Variants in GPATCH8 observed in about 807,000 individuals in gnomAD.
The protein encoded by GPATCH8 is G patch domain-containing protein 8.
GPATCH8 carries 18 observed loss-of-function variants against 118.3 expected under a neutral mutation model. That is an observed-to-expected ratio of 0.15 (90% CI 0.11 to 0.23). The LOEUF is 0.23. Ranked by LOEUF, GPATCH8 falls within the 10% of genes least tolerant of loss-of-function variation. The pLI, the probability that GPATCH8 is intolerant of heterozygous loss-of-function variation, is 1.00. For missense variants in GPATCH8, 1,631 were observed against 1,873.8 expected (o/e 0.87, Z 2.39); for synonymous variants, 659 against 684.7 (o/e 0.96, Z 0.59).
chr17:44,464,724 C>G (rs1276870857), intron 2 of GPATCH8, 180 bp from the exon 3 acceptor site: 2 of 605,526 alleles, frequency 3.3e-6, no homozygotes, highest in Non-Finnish European at 5.9e-6. Flanking sequence ...GAAAAGCTGG[C>G]TAGTATTTTA....
At chr17:44,435,899 G>A (rs2050494119) in intron 4 of GPATCH8, among the ~76,000 whole-genome samples, 1 of 150,608 alleles carries the variant, frequency 6.6e-6, no homozygotes, top group South Asian at 2.1e-4. Flanking sequence ...TCATGCGCCT[G>A]TAATCCCAGC....
At position 44,498,198 on chromosome 17, in the gene GPATCH8, T is replaced by C. The variant is rs1056537583; in HGVS notation, c.45+5128A>G. Among the ~76,000 whole-genome samples the C allele has an allele frequency of 4.1e-4, 63 of 152,196 alleles. 1 individual carries two copies. Among genetic ancestry groups the C allele is most frequent in the Non-Finnish European group, 1.2e-4 (8 of 68,032 alleles). ...TCTAATGAGAACTGTGTTACATGTA[T>C]AGAAGAAAGGGAAAGGTACAACAGG... On this transcript the variant is annotated intron_variant, in intron 1 of 7. Coordinates refer to ENST00000591680, the MANE Select transcript of GPATCH8 (RefSeq NM_001002909.4).
At chr17:44,498,748 T>C (rs1177556328) in intron 1 of GPATCH8, among the ~76,000 whole-genome samples, 1 of 152,208 alleles carries the variant, frequency 6.6e-6, no homozygotes, top group Non-Finnish European at 1.5e-5. Flanking sequence ...GCTTGTGGCA[T>C]TTCTTCCAGA....
intron 3 of GPATCH8, among the ~76,000 whole-genome samples, chr17:44,446,997 G>A (rs2050909160): frequency 6.6e-6 from 1 of 151,738 alleles, no homozygotes; most frequent in Non-Finnish European, 1.5e-5. Flanking sequence ...ACCATGCCCA[G>A]CTAATTTCTT....
At position 44,503,377 on chromosome 17, in the gene GPATCH8, G is replaced by C; in HGVS notation, c.-7C>G. On this transcript the variant is annotated 5_prime_UTR_variant, in exon 1 of 8. Coordinates refer to ENST00000591680, the MANE Select transcript of GPATCH8 (RefSeq NM_001002909.4). ...GGGAGAAGCGGTCCGCCATTTTGCC[G>C]CCTTCACTCCTCTCAGGACGACGCT... The C allele has an allele frequency of 6.2e-7, 1 of 1,606,562 alleles. No individual in the cohort carries two copies. Among genetic ancestry groups the C allele is most frequent in the Non-Finnish European group, 8.5e-7 (1 of 1,176,508 alleles).
At chr17:44,490,296 A>G (rs1010832207) in intron 1 of GPATCH8, among the ~76,000 whole-genome samples, 7 of 152,142 alleles carry the variant, frequency 4.6e-5, no homozygotes, top group Admixed American at 6.5e-5. Flanking sequence ...TAACAGAGCA[A>G]GACCTTGTCT....
intron 6 of GPATCH8, among the ~76,000 whole-genome samples, chr17:44,411,887 G>C (rs1567951755): frequency 6.6e-6 from 1 of 152,040 alleles, no homozygotes; most frequent in Non-Finnish European, 1.5e-5. Context: ...GAGGACAGGA[G>C]TCCAAGACCA....
At chr17:44,491,767 T>A (rs200275846) in intron 1 of GPATCH8, among the ~76,000 whole-genome samples, 14 of 151,896 alleles carry the variant, frequency 9.2e-5, no homozygotes, top group Non-Finnish European at 2.9e-5. Context: ...AATGGGAGGA[T>A]TGCCTGAGTC....
At chr17:44,451,101 A>C (rs781050884) in intron 3 of GPATCH8, among the ~76,000 whole-genome samples, 2 of 152,142 alleles carry the variant, frequency 1.3e-5, no homozygotes, top group Non-Finnish European at 2.9e-5. Context: ...GACTTAGTAC[A>C]GATCTGGCAC....
At chr17:44,449,295 A>C (rs1281295347) in intron 3 of GPATCH8, among the ~76,000 whole-genome samples, 1 of 152,142 alleles carries the variant, frequency 6.6e-6, no homozygotes, top group Non-Finnish European at 1.5e-5. Flanking sequence ...AATAAATAAA[A>C]TAAAATATCA....
intron 2 of GPATCH8, among the ~76,000 whole-genome samples, chr17:44,466,922 T>TTTG (rs919318922): frequency 1.3e-4 from 19 of 151,334 alleles, no homozygotes; most frequent in South Asian, 6.4e-4. Flanking sequence ...CCCCCTCCAT[T>TTTG]TTGTTGTTGT....
At chr17:44,422,771 C>T (rs1470671776) in intron 6 of GPATCH8, among the ~76,000 whole-genome samples, 1 of 151,838 alleles carries the variant, frequency 6.6e-6, no homozygotes, top group African/African-American at 2.4e-5. Context: ...AGCCACCGCA[C>T]CCGGCCGGCC....
At chr17:44,484,356 C>A (rs140689503) in intron 1 of GPATCH8, among the ~76,000 whole-genome samples, 2 of 152,238 alleles carry the variant, frequency 1.3e-5, no homozygotes, top group East Asian at 3.9e-4. Flanking sequence ...AAGGTAAACA[C>A]AAAATAACAT....
At chr17:44,472,052 C>A (rs1967324109) in intron 2 of GPATCH8, among the ~76,000 whole-genome samples, 1 of 151,456 alleles carries the variant, frequency 6.6e-6, no homozygotes, top group Non-Finnish European at 1.5e-5. Flanking sequence ...CTACCTAATA[C>A]AATGTAGGCC....
chr17:44,488,671 CATG>C (rs1425117146), intron 1 of GPATCH8, among the ~76,000 whole-genome samples: 2 of 151,660 alleles, frequency 1.3e-5, no homozygotes, highest in Non-Finnish European at 1.5e-5. Flanking sequence ...ACACATGGCC[CATG>C]ATAATTGTAT....
intron 1 of GPATCH8, among the ~76,000 whole-genome samples, chr17:44,493,916 T>C (rs186074927): frequency 4.9e-4 from 74 of 152,272 alleles, no homozygotes; most frequent in Admixed American, 8.5e-4. Context: ...TATTAAACCA[T>C]GACAGTATAC....
At chr17:44,422,272 C>G (rs1280614475) in intron 6 of GPATCH8, among the ~76,000 whole-genome samples, 2 of 152,028 alleles carry the variant, frequency 1.3e-5, no homozygotes, top group Non-Finnish European at 2.9e-5. Context: ...ACCTCAAACT[C>G]CTGGGCTCAA....
At chr17:44,455,055 C>G (rs1339037923) in intron 3 of GPATCH8, among the ~76,000 whole-genome samples, 1 of 152,140 alleles carries the variant, frequency 6.6e-6, no homozygotes, top group East Asian at 1.9e-4. Flanking sequence ...TTTGGGGGAG[C>G]TACATATTTG....
intron 1 of GPATCH8, among the ~76,000 whole-genome samples, chr17:44,490,385 TG>T (rs1339953718): frequency 6.6e-6 from 1 of 152,152 alleles, no homozygotes; most frequent in East Asian, 1.9e-4. Flanking sequence ...CTAAAACTCA[TG>T]GTTATCCTAA....
Sources: gnomAD v4.1 joint callset for allele counts (sites outside exome capture counted in the v4.1 genomes callset) on GRCh38, gnomAD v4.1.1 for gene constraint, MANE v1.5 for transcripts, NCBI Gene and HGNC (gene_info 2026-07-23, HGNC 2026-07-21) for gene names.